Variants in ADAMTS20 observed in about 807,000 individuals in gnomAD.
ADAMTS20 encodes A disintegrin and metalloproteinase with thrombospondin motifs 20.
A neutral mutation model predicts 260.1 loss-of-function variants in ADAMTS20; 225 were observed. The ratio of observed to expected loss-of-function variants is 0.87; its 90% confidence interval spans 0.78 to 0.97. ADAMTS20 has a LOEUF of 0.97. ADAMTS20 is among the 50% of genes least tolerant of loss of function. The pLI, the probability that ADAMTS20 is intolerant of heterozygous loss-of-function variation, is 0.00. For missense variants in ADAMTS20, 2,400 were observed against 2,337.7 expected (o/e 1.03, Z -0.55); for synonymous variants, 802 against 769.5 (o/e 1.04, Z -0.70).
At chr12:43,386,192 C>T (rs1408414405) in intron 29 of ADAMTS20, among the ~76,000 whole-genome samples, 2 of 152,140 alleles carry the variant, frequency 1.3e-5, no homozygotes, top group Non-Finnish European at 2.9e-5. Context: ...TTGTCTTCTG[C>T]TAGCTTTTGT....
intron 28 of ADAMTS20, among the ~76,000 whole-genome samples, chr12:43,408,420 A>C (rs1000987774): frequency 1.3e-5 from 2 of 152,204 alleles, no homozygotes; most frequent in African/African-American, 4.8e-5. Context: ...AAATTCTTAA[A>C]ATCAAGTGCC....
intron 12 of ADAMTS20, among the ~76,000 whole-genome samples, chr12:43,453,164 C>T (rs1281154977): frequency 6.6e-6 from 1 of 151,928 alleles, no homozygotes; most frequent in Admixed American, 6.6e-5. Flanking sequence ...TTGACTTATG[C>T]TGGAAAATAA....
Position 43,429,650 on chromosome 12 carries a change from C to A in ADAMTS20, c.3456G>T (p.Lys1152Asn). 6.3e-7 allele frequency: 1 copy of A among 1,599,478 alleles called. No homozygotes were observed. The highest frequency in any genetic ancestry group is 8.5e-7 in the Non-Finnish European group (1 of 1,172,074). The change falls in exon 24 of 39, where the codon AAG (lysine) becomes AAT (asparagine). Residue 1152 changes from lysine to asparagine, a missense_variant. Coordinates refer to ENST00000389420, the MANE Select transcript of ADAMTS20 (RefSeq NM_025003.5). ...TALLPTVLIK[K>N]MAQWRHGSWT... ...AAGAACCATGTCGCCATTGTGCCAT[C>A]TTTTTTATGAGAACAGTTGGTAATA... is the stretch of plus-strand genomic sequence containing the variant.
At chr12:43,417,987 T>C (rs1941162864) in intron 28 of ADAMTS20, among the ~76,000 whole-genome samples, 1 of 152,194 alleles carries the variant, frequency 6.6e-6, no homozygotes, top group Non-Finnish European at 1.5e-5. Context: ...CAGGAGGAAC[T>C]GCAACTACAA....
intron 6 of ADAMTS20, among the ~76,000 whole-genome samples, chr12:43,491,936 A>C (rs1456906593): frequency 6.6e-6 from 1 of 152,218 alleles, no homozygotes; most frequent in Non-Finnish European, 1.5e-5. Context: ...TCTTGTTTAG[A>C]TCAAACCATT....
intron 24 of ADAMTS20, among the ~76,000 whole-genome samples, chr12:43,429,141 A>G (rs1412911560): frequency 6.6e-6 from 1 of 152,094 alleles, no homozygotes; most frequent in African/African-American, 2.4e-5. Context: ...ATTTTGATAT[A>G]TAATATCTAC....
chr12:43,532,020 C>A lies in ADAMTS20; in HGVS notation c.613+16G>T. The A allele has an allele frequency of 1.4e-6, 2 of 1,471,872 alleles. No individual in the cohort carries two copies. The highest frequency in any genetic ancestry group is 1.6e-5 in the South Asian group (1 of 63,752). The allele number at this position is 1,471,872 out of a possible 1,614,324, so 91.2% of individuals were successfully genotyped here. A position where few individuals can be genotyped will look rare whatever the true frequency, so the allele number is the denominator to read the frequency against. ...TATCACTATTTAGCTGAAAAGAGTT[C>A]TATTTCACAGTTTACCTGACACACT... is the stretch of plus-strand genomic sequence containing the variant. On this transcript the variant is annotated intron_variant, in intron 3 of 38. Coordinates refer to ENST00000389420, the MANE Select transcript of ADAMTS20 (RefSeq NM_025003.5).
At chr12:43,533,432 C>A (rs1477410740) in intron 2 of ADAMTS20, among the ~76,000 whole-genome samples, 2 of 129,226 alleles carry the variant, frequency 1.5e-5, no homozygotes, top group Middle Eastern at 3.7e-3. Flanking sequence ...ATGTGAAGGA[C>A]CTCTTCAAGG....
chr12:43,376,471 C>T, intron 33 of ADAMTS20, 53 bp downstream of exon 33: 1 of 1,555,376 alleles, frequency 6.4e-7, no homozygotes, highest in Non-Finnish European at 8.7e-7. Context: ...TTTATTTTAA[C>T]TGAAACTTAT....
intron 22 of ADAMTS20, 121 bp downstream of exon 22, chr12:43,431,211 G>A (rs1592064877): frequency 7.2e-6 from 7 of 972,642 alleles, no homozygotes; most frequent in East Asian, 2.5e-5. Flanking sequence ...GGTTGCTGTT[G>A]TTTTTTAATA....
At chr12:43,499,874 A>C (rs1185077593) in intron 4 of ADAMTS20, among the ~76,000 whole-genome samples, 1 of 152,138 alleles carries the variant, frequency 6.6e-6, no homozygotes, top group Non-Finnish European at 1.5e-5. Flanking sequence ...AGAATGCATG[A>C]AACTATTCCA....
chr12:43,393,343 C>T (rs1473881105), intron 29 of ADAMTS20, among the ~76,000 whole-genome samples: 1 of 151,946 alleles, frequency 6.6e-6, no homozygotes, highest in Admixed American at 6.6e-5. Flanking sequence ...ACCTAATTGA[C>T]TGGGATGCAC....
At position 43,446,650 on chromosome 12, in the gene ADAMTS20, A is replaced by T; in HGVS notation, c.2142T>A (p.Gly714=). The stretch of plus-strand genomic sequence containing the variant: ...TTGTCTTGCATGAAGAGTTGTCCCC[A>T]CCACACACTCCACATTTGTCTATCT... The part of the protein sequence containing the change: ...SAKIDKCGVC[G]GDNSSCKTIT... The change falls in exon 15 of 39, where the codon GGT becomes GGA. Residue 714 remains glycine (G), a synonymous_variant. Transcript: ENST00000389420. 1 of 1,613,440 alleles carries T rather than the reference A, an allele frequency of 6.2e-7. No individual in the cohort carries two copies. The highest frequency in any genetic ancestry group is 1.3e-5 in the African/African-American group (1 of 75,010).
intron 37 of ADAMTS20, among the ~76,000 whole-genome samples, chr12:43,361,503 G>T (rs145886182): frequency 6.6e-6 from 1 of 152,202 alleles, no homozygotes; most frequent in Admixed American, 6.5e-5. Context: ...GAGACATCTC[G>T]CCCCAGTGGG....
At chr12:43,366,491 C>A (rs1939989524) in intron 37 of ADAMTS20, among the ~76,000 whole-genome samples, 1 of 151,676 alleles carries the variant, frequency 6.6e-6, no homozygotes, top group East Asian at 1.9e-4. Flanking sequence ...AACACTTCAC[C>A]CAACAACAAC....
intron 14 of ADAMTS20, among the ~76,000 whole-genome samples, chr12:43,451,605 G>C (rs752686549): frequency 6.6e-6 from 1 of 151,882 alleles, no homozygotes. Context: ...AGTCTTATGC[G>C]CTCCATAAAA....
intron 11 of ADAMTS20, 93 bp from the exon 12 acceptor site, chr12:43,454,145 A>G (rs1471603859): frequency 7.4e-7 from 1 of 1,358,698 alleles, no homozygotes; most frequent in East Asian, 2.5e-5. Flanking sequence ...CAACAGAAGA[A>G]CAAACTAAAC....
intron 8 of ADAMTS20, among the ~76,000 whole-genome samples, chr12:43,467,624 C>T (rs115181970): frequency 0.014 from 2,069 of 152,144 alleles, 52 homozygotes; most frequent in African/African-American, 0.047. Context: ...AAAACCAGCA[C>T]ATAGTGCCAC....
At chr12:43,487,087 G>C (rs1444497742) in intron 7 of ADAMTS20, among the ~76,000 whole-genome samples, 2 of 152,078 alleles carry the variant, frequency 1.3e-5, no homozygotes, top group Non-Finnish European at 2.9e-5. Context: ...TTACCCAAAG[G>C]AACAGAAGTC....
Sources: gnomAD v4.1 joint callset for allele counts (sites outside exome capture counted in the v4.1 genomes callset) on GRCh38, gnomAD v4.1.1 for gene constraint, MANE v1.5 for transcripts, NCBI Gene and HGNC (gene_info 2026-07-23, HGNC 2026-07-21) for gene names.